MBD5: variants seen among roughly 807,000 people sequenced by gnomAD.
The protein encoded by MBD5 is methyl-CpG binding domain protein 5.
MBD5 carries 13 observed loss-of-function variants against 117.3 expected under a neutral mutation model. The observed-to-expected ratio is 0.11, with a 90% CI of 0.07 to 0.18. The LOEUF is 0.18. Ranked by LOEUF, MBD5 falls within the 10% of genes least tolerant of loss-of-function variation. The pLI is 1.00. For missense variants in MBD5, 1,879 were observed against 2,093.8 expected, an observed-to-expected ratio of 0.90 and a Z score of 2.00; for synonymous variants, 727 against 766.4, an observed-to-expected ratio of 0.95 and a Z score of 0.85.
intron 4 of MBD5, among the ~76,000 whole-genome samples, chr2:148,449,668 A>G (rs935379742): frequency 6.6e-6 from 1 of 152,050 alleles, no homozygotes; most frequent in Non-Finnish European, 1.5e-5. Flanking sequence ...TGCAGTATGT[A>G]GATCATAATA....
chr2:148,448,960 C>A (rs961866591), intron 4 of MBD5, among the ~76,000 whole-genome samples: 15 of 151,860 alleles, frequency 9.9e-5, no homozygotes, highest in African/African-American at 3.6e-4. Flanking sequence ...GAGAAATCAC[C>A]ATATTACAGA....
chr2:148,164,596 T>C (rs1470023031), intron 1 of MBD5, among the ~76,000 whole-genome samples: 1 of 152,162 alleles, frequency 6.6e-6, no homozygotes, highest in Non-Finnish European at 1.5e-5. Context: ...CCATATTAAT[T>C]TTTGTTTTCA....
At chr2:148,494,886 C>T (rs1681651897) in intron 11 of MBD5, among the ~76,000 whole-genome samples, 1 of 152,128 alleles carries the variant, frequency 6.6e-6, no homozygotes, top group African/African-American at 2.4e-5. Flanking sequence ...TGCCGTGAAC[C>T]CGGGAGGTGG....
At chr2:148,358,175 T>C (rs1000791457) in intron 4 of MBD5, among the ~76,000 whole-genome samples, 1 of 152,192 alleles carries the variant, frequency 6.6e-6, no homozygotes, top group African/African-American at 2.4e-5. Flanking sequence ...CTACCTGGTA[T>C]CTTTAACTAG....
At chr2:148,476,762 A>G (rs61000749) in intron 8 of MBD5, among the ~76,000 whole-genome samples, 2,735 of 152,304 alleles carry the variant, frequency 0.018, 89 homozygotes, top group African/African-American at 0.062. Flanking sequence ...AGCACTGCAG[A>G]TAAAACGGTA....
At chr2:148,191,004 CAAA>C (rs1387820426) in intron 2 of MBD5, among the ~76,000 whole-genome samples, 1 of 150,080 alleles carries the variant, frequency 6.7e-6, no homozygotes, top group Non-Finnish European at 1.5e-5. Context: ...TCAAAAAAGA[CAAA>C]GAAGGCCATT....
intron 3 of MBD5, among the ~76,000 whole-genome samples, chr2:148,334,215 A>T (rs1702730527): frequency 6.6e-6 from 1 of 152,162 alleles, no homozygotes; most frequent in Admixed American, 6.5e-5. Context: ...TATCATTACC[A>T]ACTGCTGGTT....
At chr2:148,498,913 T>C (rs1681787455) in intron 11 of MBD5, among the ~76,000 whole-genome samples, 1 of 152,262 alleles carries the variant, frequency 6.6e-6, no homozygotes, top group Non-Finnish European at 1.5e-5. Flanking sequence ...AATATGTTTC[T>C]ATCCGCACTG....
At chr2:148,127,055 AAGCTCCGCCT>A (rs1444166058) in intron 1 of MBD5, among the ~76,000 whole-genome samples, 1 of 149,286 alleles carries the variant, frequency 6.7e-6, no homozygotes, top group Non-Finnish European at 1.5e-5. Context: ...GGCTCACTGC[AAGCTCCGCCT>A]CCCGGGTTCG....
At chr2:148,045,306 T>C (rs1694486810) in intron 1 of MBD5, among the ~76,000 whole-genome samples, 1 of 152,212 alleles carries the variant, frequency 6.6e-6, no homozygotes, top group African/African-American at 2.4e-5. Flanking sequence ...ACATGACTAG[T>C]AAATTTTAAA....
intron 3 of MBD5, among the ~76,000 whole-genome samples, chr2:148,312,688 C>G (rs1702062696): frequency 6.6e-6 from 1 of 152,124 alleles, no homozygotes; most frequent in South Asian, 2.1e-4. Context: ...CAGTTTTGTT[C>G]CCTTGCTGGT....
intron 1 of MBD5, among the ~76,000 whole-genome samples, chr2:148,115,069 G>A (rs1696599769): frequency 6.6e-6 from 1 of 151,896 alleles, no homozygotes; most frequent in Non-Finnish European, 1.5e-5. Flanking sequence ...ATGAAAGTGG[G>A]ATCATACTCT....
chr2:148,206,137 ATAG>A (rs1274253949), intron 2 of MBD5, among the ~76,000 whole-genome samples: 7 of 151,780 alleles, frequency 4.6e-5, no homozygotes, highest in African/African-American at 9.6e-5. Context: ...AAAAAAAAAA[ATAG>A]AGAGACACAC....
rs761003936 is a variant in MBD5, at chr2:148,502,444, C to T, written c.4971C>T (p.Pro1657=). Residue 1657 remains proline (P), a synonymous_variant, in exon 12 of 14, where the codon CCC becomes CCT. Transcript: ENST00000642680. ...QQSPEEGKVE[P]EKLKTLTEGL... ...TTCATACCTTCACTCAGGTGGAGCC[C>T]GAGAAGTTGAAGACACTAACAGAAG... 9.9e-6 allele frequency: 16 copies of T among 1,613,910 alleles called. No individual in the cohort carries two copies. Among genetic ancestry groups the T allele is most frequent in the South Asian group, 4.4e-5 (4 of 91,066 alleles).
rs570291673 is a variant in MBD5 at position 148,506,670 on chromosome 2, T to C, written c.5037-3390T>C. On this transcript the variant is annotated intron_variant, in intron 12 of 13. Transcript: ENST00000642680. ...AAAAAATTAGTGAAGATAAAGATAA[T>C]GTGTGACAGTGTAGGCAATGAAGTT... Among the ~76,000 whole-genome samples, 347 of 152,348 alleles carry C rather than the reference T, an allele frequency of 2.3e-3. 1 individual carries two copies. Among genetic ancestry groups the C allele is most frequent in the Non-Finnish European group, 3.9e-3 (268 of 68,026 alleles).
intron 3 of MBD5, among the ~76,000 whole-genome samples, chr2:148,263,492 T>C (rs1700781613): frequency 6.6e-6 from 1 of 152,184 alleles, no homozygotes; most frequent in Admixed American, 6.5e-5. Context: ...CTTTTGGTGC[T>C]GTTTTATATA....
Position 148,458,725 on chromosome 2 carries a change from G to A in MBD5, c.-34G>A. 4 of 1,550,878 alleles carry A rather than the reference G, an allele frequency of 2.6e-6. No individual in the cohort carries two copies. The highest frequency in any genetic ancestry group is 2.7e-6 in the Non-Finnish European group (3 of 1,122,426). On this transcript the variant is annotated 5_prime_UTR_variant, in exon 5 of 14. An upstream open reading frame in the 5' UTR loses its in-frame stop. Transcript: ENST00000642680. ...AATATAAGGATATCATCTTATTGCTGATATCTTTGGAGAGTCCCTAGCAGA... is the reference window on the plus strand; with the variant it reads ...AATATAAGGATATCATCTTATTGCTAATATCTTTGGAGAGTCCCTAGCAGA...
chr2:148,345,196 A>G (rs775866517), intron 4 of MBD5, among the ~76,000 whole-genome samples: 10 of 140,380 alleles, frequency 7.1e-5, no homozygotes, highest in East Asian at 4.0e-4. Context: ...GTGTGTGTGT[A>G]TATACGTATA....
rs750562622 is a variant in MBD5, at chr2:148,052,206, G to GTTTTC, written c.-925+30526_-925+30527insCTTTT. ...TCTTATGGTATAAGACTGTTATTGAGTTTTTTTTTTTTTTTTTTTTTGAGA... is the reference window on the plus strand; with the variant it reads ...TCTTATGGTATAAGACTGTTATTGAGTTTTCTTTTTTTTTTTTTTTTTTTTTGAGA... On this transcript the variant is annotated intron_variant, in intron 1 of 13. Transcript: ENST00000642680. 6.4e-4 allele frequency among the ~76,000 whole-genome samples: 54 copies of GTTTTC among 83,766 alleles called. 1 individual carries two copies. Among genetic ancestry groups the GTTTTC allele is most frequent in the African/African-American group, 2.5e-3 (53 of 20,992 alleles). The allele number at this position is 83,766 out of a possible 152,430, so 55.0% of individuals were successfully genotyped here. A position where few individuals can be genotyped will look rare whatever the true frequency, so the allele number is the denominator to read the frequency against.
Sources: gnomAD v4.1 joint callset for allele counts (sites outside exome capture counted in the v4.1 genomes callset) on GRCh38, gnomAD v4.1.1 for gene constraint, MANE v1.5 for transcripts, NCBI Gene and HGNC (gene_info 2026-07-23, HGNC 2026-07-21) for gene names.